The following ROBO1 variants were observed in gnomAD, a reference collection of about 807,000 sequenced individuals.
The protein encoded by ROBO1 is roundabout homolog 1.
In ROBO1, 149 loss-of-function variants were observed where a neutral mutation model predicts 195.9. That is an observed-to-expected ratio of 0.76 (90% CI 0.67 to 0.87). The LOEUF (loss-of-function observed/expected upper bound fraction) is 0.87, where lower values mean the gene tolerates loss of function less well. Ranked by LOEUF, ROBO1 falls within the 40% of genes least tolerant of loss-of-function variation. The probability of loss-of-function intolerance (pLI) is 0.00; values close to 1 mark genes in which losing one functional copy is unlikely to be tolerated. For missense variants in ROBO1, 1,933 were observed against 2,068.3 expected, an observed-to-expected ratio of 0.93 and a Z score of 1.27; for synonymous variants, 816 against 733.2, an observed-to-expected ratio of 1.11 and a Z score of -1.82.
chr3:78,868,462 A>G (rs1258849174), intron 4 of ROBO1, among the ~76,000 whole-genome samples: 1 of 152,168 alleles, frequency 6.6e-6, no homozygotes, highest in Non-Finnish European at 1.5e-5. Context: ...TATGTGTTTA[A>G]AATGTTATTG....
chr3:79,373,063 C>A (rs987167932), intron 2 of ROBO1, among the ~76,000 whole-genome samples: 1 of 151,994 alleles, frequency 6.6e-6, no homozygotes, highest in African/African-American at 2.4e-5. Context: ...ATTTTTGAAA[C>A]GACCCAATCT....
At chr3:79,347,840 A>G (rs568244050) in intron 2 of ROBO1, among the ~76,000 whole-genome samples, 2 of 152,340 alleles carry the variant, frequency 1.3e-5, no homozygotes, top group African/African-American at 4.8e-5. Flanking sequence ...AATCAGAAAT[A>G]AACAGGCTCA....
At chr3:78,997,913 G>T (rs773031566) in intron 3 of ROBO1, among the ~76,000 whole-genome samples, 15 of 152,154 alleles carry the variant, frequency 9.9e-5, no homozygotes, top group Non-Finnish European at 2.1e-4. Flanking sequence ...CTTTGGAAAT[G>T]AGAAGAGTAA....
At chr3:79,044,897 T>C (rs2078561059) in intron 3 of ROBO1, among the ~76,000 whole-genome samples, 1 of 152,038 alleles carries the variant, frequency 6.6e-6, no homozygotes, top group Non-Finnish European at 1.5e-5. Flanking sequence ...AGTTTCCCCT[T>C]TTTTTGTTTG....
chr3:79,736,806 A>C (rs995694898), intron 1 of ROBO1, among the ~76,000 whole-genome samples: 2 of 152,208 alleles, frequency 1.3e-5, no homozygotes, highest in African/African-American at 4.8e-5. Context: ...CCCTAAATAC[A>C]TAGTTAAGTC....
chr3:79,540,296 T>C (rs902159869), intron 2 of ROBO1, among the ~76,000 whole-genome samples: 6 of 152,116 alleles, frequency 3.9e-5, no homozygotes, highest in Non-Finnish European at 2.9e-5. Context: ...TCACCAATTA[T>C]GAGTTCAAAA....
At chr3:78,718,224 A>G (rs2081951492) in intron 5 of ROBO1, among the ~76,000 whole-genome samples, 1 of 152,230 alleles carries the variant, frequency 6.6e-6, no homozygotes, top group Non-Finnish European at 1.5e-5. Context: ...TTAGTTAGCA[A>G]GAGGAAAGAG....
At chr3:79,411,962 T>C (rs1348142592) in intron 2 of ROBO1, among the ~76,000 whole-genome samples, 1 of 152,010 alleles carries the variant, frequency 6.6e-6, no homozygotes, top group Non-Finnish European at 1.5e-5. Flanking sequence ...TTTCGTTCTG[T>C]CCGAGACACC....
At chr3:78,602,623 C>T (rs550482546) in intron 29 of ROBO1, among the ~76,000 whole-genome samples, 56 of 152,192 alleles carry the variant, frequency 3.7e-4, no homozygotes, top group African/African-American at 1.3e-3. Context: ...GTATGCTTTG[C>T]GTGCTGATAT....
At chr3:79,086,087 C>T (rs2079363469) in intron 3 of ROBO1, among the ~76,000 whole-genome samples, 1 of 150,474 alleles carries the variant, frequency 6.6e-6, no homozygotes, top group Non-Finnish European at 1.5e-5. Flanking sequence ...TTTAGTGGCT[C>T]ACAATTAGGT....
At chr3:79,087,280 G>A (rs2079388381) in intron 3 of ROBO1, among the ~76,000 whole-genome samples, 1 of 151,996 alleles carries the variant, frequency 6.6e-6, no homozygotes, top group African/African-American at 2.4e-5. Context: ...AAATTATAAT[G>A]TCTTGATATA....
At chr3:78,673,585 T>C (rs1194569643) in intron 10 of ROBO1, among the ~76,000 whole-genome samples, 6 of 75,468 alleles carry the variant, frequency 8.0e-5, no homozygotes, top group East Asian at 5.1e-4. Context: ...TATATATATA[T>C]ATATATATAT....
At chr3:79,602,521 A>T (rs1425267762) in intron 1 of ROBO1, among the ~76,000 whole-genome samples, 1 of 152,002 alleles carries the variant, frequency 6.6e-6, no homozygotes, top group Non-Finnish European at 1.5e-5. Flanking sequence ...TTGCCTTTTC[A>T]GCAAGTATCT....
At chr3:78,998,147 G>T (rs1160229338) in intron 3 of ROBO1, among the ~76,000 whole-genome samples, 1 of 152,104 alleles carries the variant, frequency 6.6e-6, no homozygotes. Flanking sequence ...TATTGCAATT[G>T]CGACGTACTT....
chr3:78,858,259 C>A (rs561179620), intron 4 of ROBO1, among the ~76,000 whole-genome samples: 1 of 134,216 alleles, frequency 7.5e-6, no homozygotes, highest in Admixed American at 7.1e-5. Context: ...GAGATTAATT[C>A]CCAAACCCCT....
chr3:79,246,526 A>C (rs2108895760), intron 2 of ROBO1, among the ~76,000 whole-genome samples: 1 of 152,160 alleles, frequency 6.6e-6, no homozygotes, highest in Admixed American at 6.6e-5. Context: ...TCTACTAATG[A>C]CCTCTACACT....
intron 10 of ROBO1, among the ~76,000 whole-genome samples, chr3:78,673,595 TATATATATATAC>T (rs1174623755): frequency 0.037 from 2,357 of 63,118 alleles, 67 homozygotes; most frequent in African/African-American, 0.064. Context: ...TATATATATA[TATATATATATAC>T]ACACATATAT....
intron 2 of ROBO1, among the ~76,000 whole-genome samples, chr3:79,342,659 G>C (rs935614284): frequency 3.3e-5 from 5 of 152,078 alleles, no homozygotes; most frequent in Admixed American, 1.3e-4. Context: ...CTTGGAGTAA[G>C]GGAGGGAAAA....
chr3:79,104,949 A>G (rs1000503641), intron 3 of ROBO1, among the ~76,000 whole-genome samples: 2 of 151,806 alleles, frequency 1.3e-5, no homozygotes, highest in Admixed American at 6.6e-5. Flanking sequence ...GGAAAACGGC[A>G]GGTGTTTTTG....
Sources: gnomAD v4.1 joint callset for allele counts (sites outside exome capture counted in the v4.1 genomes callset) on GRCh38, gnomAD v4.1.1 for gene constraint, MANE v1.5 for transcripts, NCBI Gene and HGNC (gene_info 2026-07-23, HGNC 2026-07-21) for gene names.